WNK2: variants seen among roughly 807,000 people sequenced by gnomAD.
WNK2 encodes the protein WNK lysine deficient protein kinase 2, also known as serine/threonine-protein kinase WNK2.
Under a neutral mutation model 192.1 loss-of-function variants are expected in WNK2, and 67 were observed. The observed-to-expected ratio is 0.35, with a 90% CI of 0.29 to 0.43. The LOEUF is 0.43. Ranked by LOEUF, WNK2 falls within the 20% of genes least tolerant of loss-of-function variation. The probability of loss-of-function intolerance (pLI) is 1.00; values close to 1 mark genes in which losing one functional copy is unlikely to be tolerated. For synonymous variants in WNK2, 1,439 were observed against 1,393.9 expected (o/e 1.03, Z -0.72); for missense variants, 2,698 against 3,089.7 (o/e 0.87, Z 3.01).
intron 23 of WNK2, among the ~76,000 whole-genome samples, chr9:93,293,731 G>C (rs543962156): frequency 6.6e-6 from 1 of 152,168 alleles, no homozygotes; most frequent in East Asian, 1.9e-4. Context: ...GCCTCCTCCT[G>C]CTGCACTTGG....
chr9:93,201,207 G>C (rs1832288932), intron 2 of WNK2, among the ~76,000 whole-genome samples: 1 of 152,186 alleles, frequency 6.6e-6, no homozygotes, highest in East Asian at 1.9e-4. Flanking sequence ...CAGCCCCTCT[G>C]TGTGGCCGAG....
intron 28 of WNK2, chr9:93,315,470 C>T (rs1329586101): frequency 6.6e-6 from 1 of 152,204 alleles, no homozygotes; most frequent in African/African-American, 2.4e-5. Context: ...AACAAGTCAA[C>T]CATTTGTAAA....
At chr9:93,256,167 G>C (rs574637507) in intron 9 of WNK2, 132 bp from the exon 10 acceptor site, 1 of 1,139,248 alleles carries the variant, frequency 8.8e-7, no homozygotes, top group Non-Finnish European at 1.2e-6. Flanking sequence ...TGCTTCTGCT[G>C]TCATGTTCCT....
chr9:93,268,181 C>G (rs1357697274), intron 18 of WNK2, 116 bp downstream of exon 18: 3 of 1,417,376 alleles, frequency 2.1e-6, no homozygotes, highest in Non-Finnish European at 2.9e-6. Flanking sequence ...ATGTGGTGAC[C>G]AGGGGCCCCA....
rs142835197 is a variant in WNK2, at chr9:93,267,772, C to T, written c.3723C>T (p.Ala1241=). ...YMVEHDFILQ[A]ERETFIEQMK... is the part of the protein sequence containing the mutation. ...TGGAGCATGACTTTATCCTGCAGGC[C>T]GAGCGGGAAACGTTCATCGAGCAGA... Residue 1241 remains alanine, a synonymous_variant, in exon 17 of 30, where the codon GCC becomes GCT. Coordinates refer to ENST00000427277, the MANE Select transcript of WNK2 (RefSeq NM_006648.4). 418 of 1,606,274 alleles carry T rather than the reference C, an allele frequency of 2.6e-4. 2 individuals carry two copies. In the African/African-American group the frequency reaches 4.4e-3, roughly 17 times the overall value.
chr9:93,303,078 C>G (rs1564214504), intron 26 of WNK2, among the ~76,000 whole-genome samples: 1 of 152,170 alleles, frequency 6.6e-6, no homozygotes, highest in Admixed American at 6.5e-5. Context: ...ACCACCACAC[C>G]CAGCTACTTT....
At chr9:93,264,409 C>T (rs1250512324) in intron 16 of WNK2, among the ~76,000 whole-genome samples, 1 of 152,152 alleles carries the variant, frequency 6.6e-6, no homozygotes, top group Admixed American at 6.5e-5. Context: ...TCCAGCCTCC[C>T]CAGCTGGAGT....
In WNK2 at chr9:93,239,231, C is replaced by G. The variant is rs1384712878; in HGVS notation, c.1323-526C>G. Among the ~76,000 whole-genome samples, 1 of 152,216 alleles carries G rather than the reference C, an allele frequency of 6.6e-6. No homozygotes were observed. The highest frequency in any genetic ancestry group is 1.5e-5 in the Non-Finnish European group (1 of 68,038). ...GCCCCCCCAGTTCTGCAGGTCCTCACTCTCCTCCAGCTCACCCTCTGCTCT... is the reference window on the plus strand; with the variant it reads ...GCCCCCCCAGTTCTGCAGGTCCTCAGTCTCCTCCAGCTCACCCTCTGCTCT... On this transcript the variant is annotated intron_variant, in intron 6 of 29. Transcript: ENST00000427277. The surrounding 1 kb of genome is among the most constrained non-coding windows in gnomAD (Gnocchi z 4.2).
At position 93,289,083 on chromosome 9, in the gene WNK2, G is replaced by A. The variant is rs966809807; in HGVS notation, c.4329G>A (p.Pro1443=). The A allele has an allele frequency of 1.6e-5, 26 of 1,607,542 alleles. No individual in the cohort carries two copies. Among genetic ancestry groups the A allele is most frequent in the African/African-American group, 1.3e-4 (10 of 74,824 alleles). Residue 1443 remains proline (P), a synonymous_variant, in exon 20 of 30, where the codon CCG becomes CCA. Transcript: ENST00000427277. Reference sequence around the variant, plus strand: ...CACTAGCGGAGACTCACGAGGCCCCGCTTGCTGTGCAGCCCCTCGTGGTGG... The same window carrying A: ...CACTAGCGGAGACTCACGAGGCCCCACTTGCTGTGCAGCCCCTCGTGGTGG... The part of the protein sequence containing the change: ...SQPLAETHEA[P]LAVQPLVVGL...
intron 12 of WNK2, among the ~76,000 whole-genome samples, chr9:93,261,323 C>G (rs568317839): frequency 2.7e-4 from 41 of 152,312 alleles, no homozygotes; most frequent in African/African-American, 8.4e-4. Flanking sequence ...CTTGTCTTAC[C>G]TTTTACTGCC....
intron 19 of WNK2, among the ~76,000 whole-genome samples, chr9:93,279,433 A>G (rs1847394305): frequency 6.6e-6 from 1 of 152,236 alleles, no homozygotes; most frequent in Admixed American, 6.5e-5. Context: ...ATGGAAATTA[A>G]AGAAGATCCA....
chr9:93,285,775 G>A (rs564408971), intron 19 of WNK2, among the ~76,000 whole-genome samples: 49 of 152,304 alleles, frequency 3.2e-4, no homozygotes, highest in South Asian at 1.2e-3. Context: ...CATTCTCCCA[G>A]ATGTTGTGAC....
chr9:93,223,309 A>G (rs938392046), intron 2 of WNK2, among the ~76,000 whole-genome samples: 18 of 151,988 alleles, frequency 1.2e-4, no homozygotes, highest in Non-Finnish European at 2.6e-4. Context: ...GACATAAACC[A>G]CCCACTGCTC....
At chr9:93,308,803 C>T (rs1853097316) in intron 28 of WNK2, 2 of 1,405,516 alleles carry the variant, frequency 1.4e-6, no homozygotes, top group Admixed American at 3.0e-5. Context: ...GTGGAAAGGA[C>T]AGGCCAGGCC....
intron 2 of WNK2, among the ~76,000 whole-genome samples, chr9:93,195,022 T>TA (rs78816049): frequency 0.14 from 19,691 of 139,860 alleles, 2,047 homozygotes; most frequent in African/African-American, 0.29. Flanking sequence ...TGAAGACAGT[T>TA]AAAAAAAAAA....
At chr9:93,317,032 A>G (rs1854807677) in intron 28 of WNK2, 2 of 186,770 alleles carry the variant, frequency 1.1e-5, no homozygotes, top group East Asian at 3.4e-4. Flanking sequence ...CACCCCGCAT[A>G]CAGCTTCTCC....
At chr9:93,297,817 A>G in intron 23 of WNK2, 36 bp from the exon 24 acceptor site, 1 of 1,535,882 alleles carries the variant, frequency 6.5e-7, no homozygotes, top group South Asian at 1.2e-5. Flanking sequence ...AACACCGAGG[A>G]AGCCCATCGG....
rs1252291410 is a variant in WNK2, at chr9:93,247,871, T to C, written c.1834+37T>C. 3 of 1,525,140 alleles carry C rather than the reference T, an allele frequency of 2.0e-6. No homozygotes were observed. The highest frequency in any genetic ancestry group is 2.6e-6 in the Non-Finnish European group (3 of 1,141,764). The allele number at this position is 1,525,140 out of a possible 1,614,324, so 94.5% of individuals were successfully genotyped here. A position where few individuals can be genotyped will look rare whatever the true frequency, so the allele number is the denominator to read the frequency against. On this transcript the variant is annotated intron_variant, in intron 8 of 29. Transcript: ENST00000427277. This position sits in a 1 kb window ranked among gnomAD's most constrained non-coding sequence, Gnocchi z 5.2. The stretch of plus-strand genomic sequence containing the variant: ...GGGGTGGGATGGCCATGGGCACCCC[T>C]CCCACCTACCCTGCAAAAACCAGCT...
intron 7 of WNK2, among the ~76,000 whole-genome samples, chr9:93,241,337 G>C (rs993736251): frequency 1.3e-5 from 2 of 152,250 alleles, no homozygotes; most frequent in African/African-American, 4.8e-5. Flanking sequence ...TGGTAAGAAA[G>C]TTGCGCATTT....
Sources: gnomAD v4.1 joint callset for allele counts (sites outside exome capture counted in the v4.1 genomes callset) on GRCh38, gnomAD v4.1.1 for gene constraint, Gnocchi (gnomAD v3.1) non-coding constraint, MANE v1.5 for transcripts, NCBI Gene and HGNC (gene_info 2026-07-23, HGNC 2026-07-21) for gene names.